Variants in PLIN3 observed in about 807,000 individuals in gnomAD.
The protein encoded by PLIN3 is perilipin-3.
A neutral mutation model predicts 35.9 loss-of-function variants in PLIN3; 30 were observed. The observed-to-expected ratio is 0.84, with a 90% CI of 0.62 to 1.13. PLIN3 has a LOEUF of 1.13. Ranked by LOEUF, PLIN3 falls within the 50% of genes most tolerant of loss-of-function variation. The pLI, the probability that PLIN3 is intolerant of heterozygous loss-of-function variation, is 0.00. For missense variants in PLIN3, 603 were observed against 596.9 expected (o/e 1.01, Z -0.11); for synonymous variants, 261 against 262.5 (o/e 0.99, Z 0.06).
intron 4 of PLIN3, among the ~76,000 whole-genome samples, chr19:4,854,413 G>GTTTTTGT (rs1555734772): frequency 1.4e-5 from 2 of 139,840 alleles, no homozygotes; most frequent in African/African-American, 2.6e-5. Flanking sequence ...TTTTGTTTTT[G>GTTTTTGT]TTTTTTTTTA....
intron 7 of PLIN3, among the ~76,000 whole-genome samples, chr19:4,841,183 G>A (rs971204276): frequency 6.6e-6 from 1 of 152,118 alleles, no homozygotes; most frequent in Non-Finnish European, 1.5e-5. Flanking sequence ...ATGCACACAG[G>A]GGCACAGCAA....
At chr19:4,862,808 C>T (rs1160925201) in intron 1 of PLIN3, among the ~76,000 whole-genome samples, 1 of 152,182 alleles carries the variant, frequency 6.6e-6, no homozygotes, top group Non-Finnish European at 1.5e-5. Flanking sequence ...TGTGGACTTA[C>T]TGGCCACAAC....
At chr19:4,841,860 G>T (rs1325250843) in intron 7 of PLIN3, among the ~76,000 whole-genome samples, 1 of 139,914 alleles carries the variant, frequency 7.1e-6, no homozygotes. Context: ...AGCCGAAATC[G>T]CGTCACTGCA....
intron 4 of PLIN3, among the ~76,000 whole-genome samples, chr19:4,855,431 C>A (rs2030443536): frequency 6.6e-6 from 1 of 151,994 alleles, no homozygotes; most frequent in Non-Finnish European, 1.5e-5. Context: ...TGACGTTTCC[C>A]ATCTTCCTGT....
chr19:4,844,883 G>C, intron 6 of PLIN3, 90 bp from the exon 7 acceptor site: 1 of 1,386,004 alleles, frequency 7.2e-7, no homozygotes, highest in Non-Finnish European at 9.7e-7. Flanking sequence ...TCCAGCATCT[G>C]ACTTACATGA....
intron 4 of PLIN3, among the ~76,000 whole-genome samples, chr19:4,855,882 G>A (rs1383806602): frequency 2.7e-5 from 4 of 150,200 alleles, no homozygotes; most frequent in South Asian, 2.1e-4. Flanking sequence ...CCAAGATCAC[G>A]CCACTGCACT....
At chr19:4,858,966 T>C (rs1268305299) in intron 4 of PLIN3, among the ~76,000 whole-genome samples, 2 of 151,872 alleles carry the variant, frequency 1.3e-5, no homozygotes, top group Admixed American at 1.3e-4. Context: ...CCTCCCAAAG[T>C]GCTGGGATTA....
intron 6 of PLIN3, among the ~76,000 whole-genome samples, chr19:4,845,411 G>C (rs2030053497): frequency 6.6e-6 from 1 of 152,036 alleles, no homozygotes; most frequent in Non-Finnish European, 1.5e-5. Context: ...GGGTGACAGA[G>C]CCAGACTCTA....
At chr19:4,842,031 A>G (rs1313189803) in intron 7 of PLIN3, among the ~76,000 whole-genome samples, 1 of 151,890 alleles carries the variant, frequency 6.6e-6, no homozygotes, top group Non-Finnish European at 1.5e-5. Flanking sequence ...AACATAGTTG[A>G]AATCAGGTCC....
intron 5 of PLIN3, among the ~76,000 whole-genome samples, chr19:4,851,193 AT>A (rs973816754): frequency 6.6e-6 from 1 of 151,996 alleles, no homozygotes; most frequent in African/African-American, 2.4e-5. Context: ...AGGGCCGGGC[AT>A]GGTGGCTCAC....
At chr19:4,851,572 C>T (rs1199999597) in intron 5 of PLIN3, among the ~76,000 whole-genome samples, 1 of 152,050 alleles carries the variant, frequency 6.6e-6, no homozygotes, top group Non-Finnish European at 1.5e-5. Context: ...GCGGGAACAC[C>T]AGCATTGTTG....
chr19:4,854,300 C>A (rs1299865386), intron 4 of PLIN3, among the ~76,000 whole-genome samples: 1 of 152,156 alleles, frequency 6.6e-6, no homozygotes, highest in Non-Finnish European at 1.5e-5. Flanking sequence ...ACACCTGCCC[C>A]ATTCCTACCC....
In PLIN3 at chr19:4,851,865, A is replaced by G. The variant is rs1048823240; in HGVS notation, c.634+151T>C. The G allele has an allele frequency of 1.5e-5, 12 of 784,066 alleles. No homozygotes were observed. The African/African-American group carries it at 2.1e-4, about 14-fold the overall frequency. 48.6% of individuals were successfully genotyped at this position (784,066 alleles called of 1,614,324 possible). ...GGAGCTGGTGAGCAGGACAGAGGGG[A>G]CTGCGTTAGTGATGAGATTCCAAGA... On this transcript the variant is annotated intron_variant, in intron 5 of 7. Coordinates refer to ENST00000221957, the MANE Select transcript of PLIN3 (RefSeq NM_005817.5).
intron 1 of PLIN3, among the ~76,000 whole-genome samples, chr19:4,863,512 A>G (rs1017552757): frequency 1.3e-5 from 2 of 148,666 alleles, no homozygotes; most frequent in Non-Finnish European, 3.0e-5. Context: ...AAAAAAAAAA[A>G]AGAGATTTAA....
intron 7 of PLIN3, among the ~76,000 whole-genome samples, chr19:4,842,845 A>G (rs2029938895): frequency 6.6e-6 from 1 of 152,046 alleles, no homozygotes; most frequent in Non-Finnish European, 1.5e-5. Context: ...GCATTTATAG[A>G]GATATTCACC....
Position 4,852,164 on chromosome 19 carries a change from C to T in PLIN3, c.486G>A (p.Val162=), listed in dbSNP as rs932696593. The T allele has an allele frequency of 1.9e-5, 30 of 1,613,884 alleles. No homozygotes were observed. Among genetic ancestry groups the T allele is most frequent in the Non-Finnish European group, 2.5e-5 (30 of 1,180,020 alleles). The part of the protein sequence containing the change: ...DATRGAVQSG[V]DKTKSVVTGG... ...CGGTCACTACGGACTTTGTCTTGTC[C>T]ACGCCGCTCTGCACAGCACCGCGGG... Residue 162 remains valine (V), a synonymous_variant, in exon 5 of 8, where the codon GTG becomes GTA. Coordinates refer to ENST00000221957, the MANE Select transcript of PLIN3 (RefSeq NM_005817.5).
At chr19:4,847,639 T>C in intron 6 of PLIN3, 52 bp downstream of exon 6, 2 of 1,479,352 alleles carry the variant, frequency 1.4e-6, no homozygotes, top group South Asian at 2.4e-5. Flanking sequence ...GGTGGGTGTC[T>C]GCTGCGGGGT....
chr19:4,862,809 T>C (rs1046124595), intron 1 of PLIN3, among the ~76,000 whole-genome samples: 2 of 152,140 alleles, frequency 1.3e-5, no homozygotes, highest in African/African-American at 4.8e-5. Context: ...GTGGACTTAC[T>C]GGCCACAACA....
chr19:4,851,460 T>C (rs1473507042), intron 5 of PLIN3, among the ~76,000 whole-genome samples: 1 of 152,046 alleles, frequency 6.6e-6, no homozygotes, highest in African/African-American at 2.4e-5. Flanking sequence ...CGAGACTCTG[T>C]CTCTAAATAA....
Sources: gnomAD v4.1 joint callset for allele counts (sites outside exome capture counted in the v4.1 genomes callset) on GRCh38, gnomAD v4.1.1 for gene constraint, MANE v1.5 for transcripts, NCBI Gene and HGNC (gene_info 2026-07-23, HGNC 2026-07-21) for gene names.